SYNJ2: variants seen among roughly 807,000 people sequenced by gnomAD.
SYNJ2 encodes synaptojanin 2.
In SYNJ2, 116 loss-of-function variants were observed where a neutral mutation model predicts 141.3. The ratio of observed to expected loss-of-function variants is 0.82; its 90% CI spans 0.71 to 0.96. SYNJ2 has a LOEUF of 0.96. Among genes scored for constraint, SYNJ2 ranks in the 40% least tolerant of loss-of-function variants. The pLI is 0.00. For missense variants in SYNJ2, 1,873 were observed against 1,934.8 expected (o/e 0.97, Z 0.60); for synonymous variants, 745 against 777.7 (o/e 0.96, Z 0.70).
At chr6:158,076,478 T>C (rs1782296385) in intron 16 of SYNJ2, 148 bp from the exon 17 acceptor site, 2 of 900,558 alleles carry the variant, frequency 2.2e-6, no homozygotes, top group Non-Finnish European at 3.3e-6. Flanking sequence ...AAAAGACACA[T>C]ATGTCCAGTT....
intron 6 of SYNJ2, 76 bp from the exon 7 acceptor site, chr6:158,059,181 C>A: frequency 7.2e-7 from 1 of 1,393,008 alleles, no homozygotes; most frequent in Non-Finnish European, 9.5e-7. Context: ...CCCCGTCTTC[C>A]CTTGAGGGGC....
At chr6:158,029,141 C>A (rs1217565936) in intron 3 of SYNJ2, 115 bp downstream of exon 3, 1 of 1,399,804 alleles carries the variant, frequency 7.1e-7, no homozygotes, top group East Asian at 2.3e-5. Flanking sequence ...TTATGGGGCA[C>A]CTCTGGAGAG....
chr6:158,012,116 CAG>C (rs1222363064), intron 1 of SYNJ2, among the ~76,000 whole-genome samples: 1 of 152,094 alleles, frequency 6.6e-6, no homozygotes, highest in Non-Finnish European at 1.5e-5. Flanking sequence ...AGGTGCATGA[CAG>C]AGTCCGAGTG....
chr6:158,072,794 G>A (rs1782018382), intron 15 of SYNJ2, among the ~76,000 whole-genome samples: 2 of 151,890 alleles, frequency 1.3e-5, no homozygotes, highest in Admixed American at 6.6e-5. Flanking sequence ...TTGGGGCCAG[G>A]CACAGTGGCT....
At chr6:158,008,126 C>T (rs1329809442) in intron 1 of SYNJ2, among the ~76,000 whole-genome samples, 3 of 152,140 alleles carry the variant, frequency 2.0e-5, no homozygotes, top group Non-Finnish European at 2.9e-5. Flanking sequence ...TGTGTGTAGA[C>T]ATCTGCTTTG....
intron 4 of SYNJ2, among the ~76,000 whole-genome samples, chr6:158,035,235 A>G (rs1272023211): frequency 6.6e-6 from 1 of 152,206 alleles, no homozygotes; most frequent in African/African-American, 2.4e-5. Flanking sequence ...ATGGTAGTTT[A>G]ATAGGAATAG....
chr6:158,031,830 G>A (rs1386167704), intron 3 of SYNJ2, among the ~76,000 whole-genome samples: 3 of 152,202 alleles, frequency 2.0e-5, no homozygotes, highest in Non-Finnish European at 4.4e-5. Flanking sequence ...GCCAGGCAGT[G>A]TCACTAGAAA....
At chr6:158,057,884 G>T (rs2765231) in intron 6 of SYNJ2, among the ~76,000 whole-genome samples, 1 of 152,220 alleles carries the variant, frequency 6.6e-6, no homozygotes, top group African/African-American at 2.4e-5. Context: ...CACACAGCCC[G>T]CCCCAGGGCT....
rs936096034 is a variant in SYNJ2 at position 158,040,990 on chromosome 6, C to T, written c.712-2326C>T. ...GCTCTCTCCGACGCCAGCAGGTGCC[C>T]GCATGCATAGTCATAGCGTCAGGGC... is the stretch of plus-strand genomic sequence containing the variant. On this transcript the variant is annotated intron_variant, in intron 4 of 26. Coordinates refer to ENST00000355585, the MANE Select transcript of SYNJ2 (RefSeq NM_003898.4). The surrounding 1 kb of genome is among the most constrained non-coding windows in gnomAD (Gnocchi z 4.2). Among the ~76,000 whole-genome samples, 1 of 152,204 alleles carries T rather than the reference C, an allele frequency of 6.6e-6. No individual in the cohort carries two copies. The highest frequency in any genetic ancestry group is 2.4e-5 in the African/African-American group (1 of 41,448).
chr6:158,054,210 C>T (rs1158303165), intron 5 of SYNJ2, among the ~76,000 whole-genome samples: 5 of 151,866 alleles, frequency 3.3e-5, no homozygotes, highest in Admixed American at 1.3e-4. Flanking sequence ...GCTATTCATC[C>T]ATCCACCCAC....
intron 4 of SYNJ2, among the ~76,000 whole-genome samples, chr6:158,038,354 C>T (rs1250019602): frequency 2.6e-5 from 4 of 152,304 alleles, no homozygotes; most frequent in Middle Eastern, 6.8e-3. Context: ...CACCACCTGC[C>T]GCTCACCCAC....
In SYNJ2 at chr6:158,071,105, C is replaced by T. The variant is rs1347045951; in HGVS notation, c.1941-497C>T. 6.6e-6 allele frequency among the ~76,000 whole-genome samples: 1 copy of T among 152,176 alleles called. No homozygotes were observed. Among genetic ancestry groups the T allele is most frequent in the Non-Finnish European group, 1.5e-5 (1 of 68,034 alleles). ...GGCTGAGGCAGGAGAATTGCTTGAACCTGGGAGGCCACAGTTGCAGTGAGC... is the reference window on the plus strand; with the variant it reads ...GGCTGAGGCAGGAGAATTGCTTGAATCTGGGAGGCCACAGTTGCAGTGAGC... On this transcript the variant is annotated intron_variant, in intron 14 of 26. Coordinates refer to ENST00000355585, the MANE Select transcript of SYNJ2 (RefSeq NM_003898.4). This position sits in a 1 kb window ranked among gnomAD's most constrained non-coding sequence, Gnocchi z 4.3.
intron 1 of SYNJ2, among the ~76,000 whole-genome samples, chr6:157,996,891 C>T (rs970344556): frequency 1.3e-5 from 2 of 152,236 alleles, no homozygotes. Flanking sequence ...GTATAGCCTA[C>T]AGATCCATGA....
chr6:157,986,533 C>A (rs574989035), intron 1 of SYNJ2, among the ~76,000 whole-genome samples: 3 of 152,004 alleles, frequency 2.0e-5, no homozygotes, highest in South Asian at 4.2e-4. Flanking sequence ...AGGGTTTCAC[C>A]ATGTTGGTCA....
intron 1 of SYNJ2, among the ~76,000 whole-genome samples, chr6:157,993,770 G>A (rs535512753): frequency 7.1e-6 from 1 of 141,002 alleles, no homozygotes; most frequent in Non-Finnish European, 1.5e-5. Context: ...TAGGGAGGCG[G>A]GAGTTTGTGT....
intron 23 of SYNJ2, among the ~76,000 whole-genome samples, chr6:158,088,397 A>G (rs1326750687): frequency 1.3e-5 from 2 of 152,094 alleles, no homozygotes; most frequent in African/African-American, 4.8e-5. Context: ...GAATCCCCCA[A>G]GATGTTAAAG....
intron 8 of SYNJ2, among the ~76,000 whole-genome samples, chr6:158,063,102 G>A (rs1394354568): frequency 1.3e-5 from 2 of 152,190 alleles, no homozygotes; most frequent in East Asian, 3.8e-4. Context: ...ATATTGATCA[G>A]TTGATAAAAA....
intron 4 of SYNJ2, among the ~76,000 whole-genome samples, chr6:158,041,079 C>A (rs566017095): frequency 2.4e-4 from 36 of 152,296 alleles, no homozygotes; most frequent in African/African-American, 8.7e-4. Flanking sequence ...CTATGCCCCC[C>A]TCATTTACCC....
rs752361012 is a variant in SYNJ2, at chr6:158,062,116, A to C, written c.1079A>C (p.His360Pro). The C allele has an allele frequency of 1.9e-6, 3 of 1,613,994 alleles. No individual in the cohort carries two copies. Among genetic ancestry groups the C allele is most frequent in the Non-Finnish European group, 2.5e-6 (3 of 1,180,028 alleles). Residue 360 changes from histidine (H) to proline (P), a missense_variant, in exon 8 of 27, where the codon CAC (histidine) becomes CCC (proline). Physicochemically the swap from His to Pro is moderately conservative, Grantham distance 77 (BLOSUM62 -2). Coordinates refer to ENST00000355585, the MANE Select transcript of SYNJ2 (RefSeq NM_003898.4). The part of the protein sequence containing the change: ...ETLLRPQLKL[H>P]WEDFDVFTKG... ...CTCTTGAGGCCACAGTTAAAGCTGC[A>C]CTGGGAAGACTTCGATGTGTTCACA...
Sources: allele counts gnomAD v4.1 joint callset (sites outside exome capture counted in the v4.1 genomes callset), GRCh38; gene constraint gnomAD v4.1.1; non-coding constraint Gnocchi (gnomAD v3.1); transcripts MANE v1.5; gene names NCBI Gene and HGNC (gene_info 2026-07-23, HGNC 2026-07-21).